The following GAS2 variants were observed in gnomAD, a reference collection of about 807,000 sequenced individuals.
GAS2 encodes growth arrest-specific protein 2.
Under a neutral mutation model 37.5 loss-of-function variants are expected in GAS2, and 20 were observed. That is an observed-to-expected ratio of 0.53 (90% CI 0.37 to 0.77). The LOEUF (loss-of-function observed/expected upper bound fraction) is 0.77, where lower values mean the gene tolerates loss of function less well. Among genes scored for constraint, GAS2 ranks in the 30% least tolerant of loss-of-function variants. The pLI, the probability that GAS2 is intolerant of heterozygous loss-of-function variation, is 0.00. For synonymous variants in GAS2, 144 were observed against 132.2 expected (o/e 1.09, Z -0.61); for missense variants, 336 against 373.4 (o/e 0.90, Z 0.82).
At chr11:22,694,785 A>G (rs1354425029) in intron 3 of GAS2, among the ~76,000 whole-genome samples, 2 of 152,210 alleles carry the variant, frequency 1.3e-5, no homozygotes, top group Non-Finnish European at 2.9e-5. Context: ...ATCTAAAATT[A>G]CATCCTGCTC....
At chr11:22,758,165 T>C (rs1854153834) in intron 7 of GAS2, among the ~76,000 whole-genome samples, 1 of 152,196 alleles carries the variant, frequency 6.6e-6, no homozygotes, top group Non-Finnish European at 1.5e-5. Flanking sequence ...AATGATCATA[T>C]GGTTGTCACT....
intron 1 of GAS2, among the ~76,000 whole-genome samples, chr11:22,634,543 A>C (rs554544011): frequency 1.7e-4 from 26 of 152,294 alleles, no homozygotes; most frequent in African/African-American, 6.3e-4. Flanking sequence ...CAAGGCCTGC[A>C]GTCTGGATTC....
In GAS2 at chr11:22,798,711, C is replaced by A. The variant is rs114766415; in HGVS notation, c.724-13087C>A. Among the ~76,000 whole-genome samples the A allele has an allele frequency of 5.3e-3, 809 of 152,102 alleles. 10 individuals carry two copies. Among genetic ancestry groups the A allele is most frequent in the African/African-American group, 0.018 (761 of 41,544 alleles). ...ATGAATTCCCCACCTTTGGCAAGGA[C>A]GTCTTTAAGTGTCATTTGTTATTAG... On this transcript the variant is annotated intron_variant, in intron 7 of 7. Coordinates refer to ENST00000454584, the MANE Select transcript of GAS2 (RefSeq NM_001143830.3).
At chr11:22,646,650 A>T (rs1348101962) in intron 1 of GAS2, among the ~76,000 whole-genome samples, 1 of 152,228 alleles carries the variant, frequency 6.6e-6, no homozygotes, top group African/African-American at 2.4e-5. Flanking sequence ...TATTTTAGAA[A>T]CAGAGAGCCA....
At chr11:22,669,053 AAACTTTGCT>A (rs200232279) in intron 1 of GAS2, among the ~76,000 whole-genome samples, 4,027 of 152,264 alleles carry the variant, frequency 0.026, 83 homozygotes, top group Non-Finnish European at 0.04. Context: ...AATACAATTA[AAACTTTGCT>A]AATTTTACTC....
intron 7 of GAS2, among the ~76,000 whole-genome samples, chr11:22,764,029 AG>A (rs1381810498): frequency 6.6e-6 from 1 of 152,232 alleles, no homozygotes; most frequent in Non-Finnish European, 1.5e-5. Flanking sequence ...CATATCTCAA[AG>A]GACTTTGCAG....
At chr11:22,725,475 T>G (rs758135249) in intron 3 of GAS2, among the ~76,000 whole-genome samples, 2 of 152,128 alleles carry the variant, frequency 1.3e-5, no homozygotes, top group Non-Finnish European at 2.9e-5. Context: ...GTCACCTGAG[T>G]TGAAGTGCGG....
intron 5 of GAS2, 115 bp downstream of exon 5, chr11:22,737,883 C>T: frequency 1.1e-6 from 1 of 900,528 alleles, no homozygotes; most frequent in Admixed American, 1.9e-5. Context: ...AGAAGCTACT[C>T]ATTCACGATG....
At chr11:22,667,394 G>A (rs1849026811) in intron 1 of GAS2, among the ~76,000 whole-genome samples, 1 of 152,202 alleles carries the variant, frequency 6.6e-6, no homozygotes, top group South Asian at 2.1e-4. Flanking sequence ...GAGTCGTTGA[G>A]GCCAGGATGG....
intron 4 of GAS2, 54 bp from the exon 5 acceptor site, chr11:22,737,651 T>G: frequency 6.4e-4 from 978 of 1,519,930 alleles, no homozygotes; most frequent in Non-Finnish European, 8.3e-4. Flanking sequence ...CCTGTGCTGT[T>G]GAGCTGCTTA....
intron 5 of GAS2, among the ~76,000 whole-genome samples, chr11:22,745,924 C>T (rs1853370752): frequency 6.6e-6 from 1 of 152,110 alleles, no homozygotes; most frequent in Non-Finnish European, 1.5e-5. Context: ...AATGCCAGCA[C>T]TTTGGGAGGC....
chr11:22,650,617 A>G (rs1167286948), intron 1 of GAS2, among the ~76,000 whole-genome samples: 4 of 148,654 alleles, frequency 2.7e-5, no homozygotes, highest in African/African-American at 4.9e-5. Flanking sequence ...TTGGGTGCAT[A>G]TATATTTAGG....
chr11:22,691,187 T>C (rs1380971463), intron 3 of GAS2, among the ~76,000 whole-genome samples: 2 of 152,090 alleles, frequency 1.3e-5, no homozygotes, highest in Non-Finnish European at 1.5e-5. Flanking sequence ...AACTGAATAT[T>C]AACCGTCTAA....
At chr11:22,660,868 G>C (rs1427535648) in intron 1 of GAS2, among the ~76,000 whole-genome samples, 1 of 152,174 alleles carries the variant, frequency 6.6e-6, no homozygotes, top group Admixed American at 6.5e-5. Flanking sequence ...TTGGAGTACT[G>C]CCCTTTTATA....
chr11:22,682,430 A>G (rs1315147458), intron 2 of GAS2, among the ~76,000 whole-genome samples: 1 of 152,184 alleles, frequency 6.6e-6, no homozygotes, highest in African/African-American at 2.4e-5. Context: ...TTACAAACGT[A>G]GAAAATCTTG....
chr11:22,777,258 A>G (rs1855306599), intron 7 of GAS2, among the ~76,000 whole-genome samples: 1 of 152,156 alleles, frequency 6.6e-6, no homozygotes, highest in Non-Finnish European at 1.5e-5. Flanking sequence ...TGGTTGATGC[A>G]TGTGGAATAA....
At chr11:22,651,604 G>T (rs1405657122) in intron 1 of GAS2, among the ~76,000 whole-genome samples, 1 of 152,010 alleles carries the variant, frequency 6.6e-6, no homozygotes, top group Non-Finnish European at 1.5e-5. Context: ...ATTTCTTGGA[G>T]GCTGTGCTCA....
chr11:22,693,594 T>C lies in GAS2; in HGVS notation c.267+7805T>C, dbSNP rs184555567. Among the ~76,000 whole-genome samples the C allele has an allele frequency of 2.7e-3, 414 of 152,332 alleles. 3 individuals are homozygous for C. The highest frequency in any genetic ancestry group is 9.4e-3 in the African/African-American group (391 of 41,584). On this transcript the variant is annotated intron_variant, in intron 3 of 7. Coordinates refer to ENST00000454584, the MANE Select transcript of GAS2 (RefSeq NM_001143830.3). ...TTCCATGTGTCAAGGATAAAAATTATGACATTTTTTGAGAATATCCATGCA... is the reference window on the plus strand; with the variant it reads ...TTCCATGTGTCAAGGATAAAAATTACGACATTTTTTGAGAATATCCATGCA...
upstream of GAS2, chr11:22,666,533 C>G (rs1461117328): frequency 6.6e-6 from 1 of 152,200 alleles, no homozygotes; most frequent in African/African-American, 2.4e-5. Context: ...GAATTGCTGC[C>G]AAGGGCTTGT....
Sources: gnomAD v4.1 joint callset for allele counts (sites outside exome capture counted in the v4.1 genomes callset) on GRCh38, gnomAD v4.1.1 for gene constraint, MANE v1.5 for transcripts, NCBI Gene and HGNC (gene_info 2026-07-23, HGNC 2026-07-21) for gene names.